SMARCA2: variants seen among roughly 807,000 people sequenced by gnomAD.
The protein encoded by SMARCA2 is SWI/SNF-related matrix-associated actin-dependent regulator of chromatin subfamily A member 2.
Under a neutral mutation model 199.8 loss-of-function variants are expected in SMARCA2, and 61 were observed. The observed-to-expected ratio is 0.31, with a 90% confidence interval of 0.25 to 0.38. The LOEUF (loss-of-function observed/expected upper bound fraction) is 0.38, where lower values mean the gene tolerates loss of function less well. SMARCA2 is among the 10% of genes least tolerant of loss of function. SMARCA2 has a pLI of 1.00. For missense variants in SMARCA2, 1,344 were observed against 2,012.2 expected, an observed-to-expected ratio of 0.67 and a Z score of 6.35; for synonymous variants, 935 against 732.0, an observed-to-expected ratio of 1.28 and a Z score of -4.48.
intron 21 of SMARCA2, among the ~76,000 whole-genome samples, chr9:2,100,591 A>T (rs1319670623): frequency 6.6e-6 from 1 of 152,092 alleles, no homozygotes; most frequent in Non-Finnish European, 1.5e-5. Flanking sequence ...AGTCCCAGCT[A>T]TTCAGGAGTC....
chr9:2,140,320 T>A (rs1350674751), intron 27 of SMARCA2, among the ~76,000 whole-genome samples: 1 of 152,204 alleles, frequency 6.6e-6, no homozygotes, highest in Non-Finnish European at 1.5e-5. Context: ...AATACACTGA[T>A]GTCATGGTAT....
At chr9:2,095,501 T>A (rs1453972976) in intron 19 of SMARCA2, among the ~76,000 whole-genome samples, 1 of 152,200 alleles carries the variant, frequency 6.6e-6, no homozygotes, top group African/African-American at 2.4e-5. Flanking sequence ...ATCTTGGAGA[T>A]TTTTCTTTCA....
chr9:2,054,501 C>T, intron 5 of SMARCA2, 96 bp from the exon 6 acceptor site: 4 of 1,436,268 alleles, frequency 2.8e-6, no homozygotes, highest in South Asian at 1.3e-5. Context: ...ATGTTTTGCC[C>T]CGGACTTAAA....
At chr9:2,120,293 A>G (rs1386169332) in intron 26 of SMARCA2, among the ~76,000 whole-genome samples, 2 of 152,196 alleles carry the variant, frequency 1.3e-5, no homozygotes, top group East Asian at 3.8e-4. Context: ...GAGTGCCATC[A>G]GATCTTACAT....
At chr9:2,065,394 T>C (rs951438108) in intron 9 of SMARCA2, among the ~76,000 whole-genome samples, 2 of 152,224 alleles carry the variant, frequency 1.3e-5, no homozygotes, top group Admixed American at 1.3e-4. Flanking sequence ...AGACCAGATA[T>C]AGTCTTCATT....
chr9:2,117,610 G>A (rs1284340631), intron 25 of SMARCA2, among the ~76,000 whole-genome samples: 1 of 152,196 alleles, frequency 6.6e-6, no homozygotes, highest in Non-Finnish European at 1.5e-5. Context: ...TTGCTTATTT[G>A]TTTTGTGTAG....
At position 2,060,118 on chromosome 9, in the gene SMARCA2, CAAAAAAAAAAAAAAA is replaced by C. The variant is rs372329238; in HGVS notation, c.1522-680_1522-666del. ...CCATTACTCAGTGCAGATCTGTGGC[CAAAAAAAAAAAAAAA>C]AAAAAAAAAAAAAAAAATCCCCCAA... On this transcript the variant is annotated intron_variant, in intron 8 of 33. Transcript: ENST00000349721. Among the ~76,000 whole-genome samples, 530 of 62,444 alleles carry C rather than the reference CAAAAAAAAAAAAAAA, an allele frequency of 8.5e-3. 5 individuals are homozygous for C. The highest frequency in any genetic ancestry group is 0.021 in the African/African-American group (471 of 22,592). 41.0% of individuals were successfully genotyped at this position (62,444 alleles called of 152,430 possible). A position where few individuals can be genotyped will look rare whatever the true frequency, so the allele number is the denominator to read the frequency against.
rs545315398 is a variant in SMARCA2, at chr9:2,110,967, A to G, written c.3456+550A>G. On this transcript the variant is annotated intron_variant, in intron 24 of 33. Transcript: ENST00000349721. The surrounding 1 kb of genome is among the most constrained non-coding windows in gnomAD (Gnocchi z 4.8). ...TAAAGTCATCATCAAAACATATTCTAATGAGCATTTATTGTTGTAAAGCTC... is the reference window on the plus strand; with the variant it reads ...TAAAGTCATCATCAAAACATATTCTGATGAGCATTTATTGTTGTAAAGCTC... Among the ~76,000 whole-genome samples, 18 of 151,978 alleles carry G rather than the reference A, an allele frequency of 1.2e-4. No individual in the cohort carries two copies. The highest frequency in any genetic ancestry group is 2.6e-4 in the Non-Finnish European group (18 of 68,006).
chr9:2,118,246 A>G (rs2130607898), intron 25 of SMARCA2, among the ~76,000 whole-genome samples: 1 of 152,342 alleles, frequency 6.6e-6, no homozygotes, highest in East Asian at 1.9e-4. Flanking sequence ...TCCTTGTCAG[A>G]TGAAATGTAA....
intron 31 of SMARCA2, 67 bp from the exon 32 acceptor site, chr9:2,186,029 T>A: frequency 2.0e-6 from 3 of 1,480,292 alleles, no homozygotes; most frequent in Non-Finnish European, 2.8e-6. Context: ...GTGTATTGCA[T>A]AAGGAAGAGT....
At chr9:2,082,135 G>T in intron 15 of SMARCA2, 140 bp downstream of exon 15, 1 of 729,930 alleles carries the variant, frequency 1.4e-6, no homozygotes, top group Non-Finnish European at 2.2e-6. Flanking sequence ...CATGTAATCT[G>T]GATTTAGGTT....
chr9:2,037,808 G>C (rs1008274271), intron 3 of SMARCA2, among the ~76,000 whole-genome samples: 5 of 152,188 alleles, frequency 3.3e-5, no homozygotes, highest in South Asian at 4.1e-4. Context: ...CCTTTGACTT[G>C]ATTAATTGGC....
rs1451804747 is a variant in SMARCA2, at chr9:2,056,118, T to TA, written c.1174-553dup. Among the ~76,000 whole-genome samples, 2 of 152,224 alleles carry TA rather than the reference T, an allele frequency of 1.3e-5. No individual in the cohort carries two copies. Among genetic ancestry groups the TA allele is most frequent in the East Asian group, 3.8e-4 (2 of 5,202 alleles). ...TAAGTTCATGATATAATATAAAATG[T>TA]AGATCTCTTGGAAAGAAGATCATTA... On this transcript the variant is annotated intron_variant, in intron 6 of 33. Coordinates refer to ENST00000349721, the MANE Select transcript of SMARCA2 (RefSeq NM_003070.5). The surrounding 1 kb of genome is among the most constrained non-coding windows in gnomAD (Gnocchi z 4.0).
chr9:2,136,478 T>G (rs1019805010), intron 27 of SMARCA2, among the ~76,000 whole-genome samples: 6 of 152,166 alleles, frequency 3.9e-5, no homozygotes, highest in African/African-American at 1.4e-4. Flanking sequence ...GTGAACACTG[T>G]GCCTGGCCTA....
rs924600320 is a variant in SMARCA2 at position 2,119,576 on chromosome 9, T to C, written c.3762+41T>C. ...ATCATGAACACAAATGCTTTATACCTCTGCCCCTTTTTCTGTTAAGCAGAA... is the reference window on the plus strand; with the variant it reads ...ATCATGAACACAAATGCTTTATACCCCTGCCCCTTTTTCTGTTAAGCAGAA... On this transcript the variant is annotated intron_variant, in intron 26 of 33. Transcript: ENST00000349721. This position sits in a 1 kb window ranked among gnomAD's most constrained non-coding sequence, Gnocchi z 4.6. 2.4e-5 allele frequency: 33 copies of C among 1,348,698 alleles called. No homozygotes were observed. The highest frequency in any genetic ancestry group is 3.2e-5 in the Non-Finnish European group (30 of 940,552). The allele number at this position is 1,348,698 out of a possible 1,614,324, so 83.5% of individuals were successfully genotyped here.
intron 27 of SMARCA2, chr9:2,159,749 T>C: frequency 1.3e-6 from 2 of 1,542,614 alleles, no homozygotes; most frequent in South Asian, 1.2e-5. Context: ...AAATTTTCAG[T>C]AAAATAAAAT....
chr9:2,156,791 A>G (rs996471962), intron 27 of SMARCA2, among the ~76,000 whole-genome samples: 3 of 152,128 alleles, frequency 2.0e-5, no homozygotes, highest in Non-Finnish European at 4.4e-5. Flanking sequence ...TTGTTGTGCA[A>G]CCATCACCAA....
intron 27 of SMARCA2, among the ~76,000 whole-genome samples, chr9:2,150,450 G>A: frequency 6.6e-6 from 1 of 151,646 alleles, no homozygotes; most frequent in South Asian, 2.1e-4. Flanking sequence ...GACTAGGACA[G>A]ATAGCAGCTG....
At chr9:2,157,093 C>A (rs552922941) in intron 27 of SMARCA2, among the ~76,000 whole-genome samples, 1 of 152,132 alleles carries the variant, frequency 6.6e-6, no homozygotes, top group African/African-American at 2.4e-5. Flanking sequence ...TGCATTAAAC[C>A]GATTAAAATA....
Sources: allele counts gnomAD v4.1 joint callset (sites outside exome capture counted in the v4.1 genomes callset), GRCh38; gene constraint gnomAD v4.1.1; non-coding constraint Gnocchi (gnomAD v3.1); transcripts MANE v1.5; gene names NCBI Gene and HGNC (gene_info 2026-07-23, HGNC 2026-07-21).